Variants in SLIT2 observed in about 807,000 individuals in gnomAD.
SLIT2 encodes the protein slit homolog 2 protein.
A neutral mutation model predicts 185.7 loss-of-function variants in SLIT2; 41 were observed. That is an observed-to-expected ratio of 0.22 (90% confidence interval 0.17 to 0.29). SLIT2 has a LOEUF of 0.29. Among genes scored for constraint, SLIT2 ranks in the 10% least tolerant of loss-of-function variants. The probability of loss-of-function intolerance (pLI) is 1.00; values close to 1 mark genes in which losing one functional copy is unlikely to be tolerated. For synonymous variants in SLIT2, 693 were observed against 680.2 expected (o/e 1.02, Z -0.29); for missense variants, 1,571 against 1,909.0 (o/e 0.82, Z 3.30).
At chr4:20,326,368 T>A (rs1403044174) in intron 4 of SLIT2, among the ~76,000 whole-genome samples, 2 of 152,036 alleles carry the variant, frequency 1.3e-5, no homozygotes, top group Non-Finnish European at 2.9e-5. Context: ...CTGACTTAGT[T>A]TATTATTAAA....
intron 5 of SLIT2, among the ~76,000 whole-genome samples, chr4:20,477,916 C>T (rs1216902345): frequency 1.3e-5 from 2 of 152,162 alleles, no homozygotes; most frequent in African/African-American, 4.8e-5. Flanking sequence ...TGGCAGAGAA[C>T]AGATCCTTTC....
In SLIT2 at chr4:20,321,490, A is replaced by T. The variant is rs145919018; in HGVS notation, c.395+52609A>T. Reference sequence around the variant, plus strand: ...AATTCAAGCTGGTGTGTAGGACCCCAGTGACTAGCTTCTGACCCAGTGGCC... The same window carrying T: ...AATTCAAGCTGGTGTGTAGGACCCCTGTGACTAGCTTCTGACCCAGTGGCC... On this transcript the variant is annotated intron_variant, in intron 4 of 36. Transcript: ENST00000504154. Among the ~76,000 whole-genome samples, 1,399 of 152,290 alleles carry T rather than the reference A, an allele frequency of 9.2e-3. 13 individuals carry two copies. Among genetic ancestry groups the T allele is most frequent in the African/African-American group, 0.031 (1,301 of 41,564 alleles).
At chr4:20,584,259 C>T (rs1186115565) in intron 29 of SLIT2, among the ~76,000 whole-genome samples, 3 of 152,188 alleles carry the variant, frequency 2.0e-5, no homozygotes, top group Admixed American at 2.0e-4. Flanking sequence ...TTGCATACAA[C>T]CGTAGAAGGC....
chr4:20,298,296 T>C, intron 4 of SLIT2, among the ~76,000 whole-genome samples: 1 of 151,668 alleles, frequency 6.6e-6, no homozygotes, highest in Non-Finnish European at 1.5e-5. Context: ...TCCTTGTTGG[T>C]CAGGCTGGTC....
At chr4:20,259,671 G>C (rs188063143) in intron 3 of SLIT2, among the ~76,000 whole-genome samples, 85 of 151,890 alleles carry the variant, frequency 5.6e-4, no homozygotes, top group African/African-American at 1.9e-3. Flanking sequence ...TTTGATTAGA[G>C]TTGTAAGTAG....
intron 26 of SLIT2, chr4:20,554,207 C>CA (rs1306798508): frequency 1.7e-6 from 1 of 580,824 alleles, no homozygotes; most frequent in Admixed American, 2.6e-5. Flanking sequence ...GAAAGTGTAT[C>CA]AAAAAACGTA....
chr4:20,417,436 G>GTGTGTATATATATATATATATATA lies in SLIT2; in HGVS notation c.396-50315_396-50314insGTGTATATATATATATATATATAT, dbSNP rs1553898364. On this transcript the variant is annotated intron_variant, in intron 4 of 36. Transcript: ENST00000504154. ...CGCAATCATATATATATGTGTGTGTGTATATATATATATATATATATACGT... is the reference window on the plus strand; with the variant it reads ...CGCAATCATATATATATGTGTGTGTGTGTGTATATATATATATATATATATATATATATATATATATATATACGT... Among the ~76,000 whole-genome samples, 446 of 123,602 alleles carry GTGTGTATATATATATATATATATA rather than the reference G, an allele frequency of 3.6e-3. 2 individuals are homozygous for GTGTGTATATATATATATATATATA. Among genetic ancestry groups the GTGTGTATATATATATATATATATA allele is most frequent in the Middle Eastern group, 0.01 (2 of 196 alleles). 81.1% of individuals were successfully genotyped at this position (123,602 alleles called of 152,430 possible). A position where few individuals can be genotyped will look rare whatever the true frequency, so the allele number is the denominator to read the frequency against.
chr4:20,537,983 G>T (rs1335012499), intron 18 of SLIT2, among the ~76,000 whole-genome samples: 2 of 151,878 alleles, frequency 1.3e-5, no homozygotes, highest in South Asian at 4.2e-4. Context: ...TATTTGAGAC[G>T]GAGTCTCGCT....
At chr4:20,347,808 G>T (rs1330966730) in intron 4 of SLIT2, among the ~76,000 whole-genome samples, 1 of 152,198 alleles carries the variant, frequency 6.6e-6, no homozygotes, top group African/African-American at 2.4e-5. Flanking sequence ...AGCAAAGGGT[G>T]AAATGAAGAG....
At chr4:20,558,796 A>G (rs547846129) in intron 26 of SLIT2, among the ~76,000 whole-genome samples, 6 of 152,184 alleles carry the variant, frequency 3.9e-5, no homozygotes, top group South Asian at 4.1e-4. Flanking sequence ...ACAACTTTCT[A>G]TAGTAATAGA....
At chr4:20,443,411 A>G (rs1423239305) in intron 4 of SLIT2, among the ~76,000 whole-genome samples, 1 of 152,068 alleles carries the variant, frequency 6.6e-6, no homozygotes, top group Non-Finnish European at 1.5e-5. Flanking sequence ...GCTTTAGGGG[A>G]CAAGGCATGG....
At chr4:20,364,045 G>A (rs1374400402) in intron 4 of SLIT2, among the ~76,000 whole-genome samples, 2 of 152,072 alleles carry the variant, frequency 1.3e-5, no homozygotes, top group Non-Finnish European at 2.9e-5. Context: ...AATCAGAAAG[G>A]CCATCTACAA....
intron 4 of SLIT2, among the ~76,000 whole-genome samples, chr4:20,369,975 G>A (rs1723441666): frequency 6.6e-6 from 1 of 152,046 alleles, no homozygotes; most frequent in Admixed American, 6.6e-5. Flanking sequence ...AATGATTCTT[G>A]AAGTGTTTTC....
chr4:20,481,866 T>C (rs888518630), intron 6 of SLIT2, among the ~76,000 whole-genome samples: 1 of 152,012 alleles, frequency 6.6e-6, no homozygotes, highest in Non-Finnish European at 1.5e-5. Context: ...TTTTAAAAGA[T>C]TGTATGAATG....
chr4:20,502,504 CATGAG>C (rs1241968445), intron 9 of SLIT2, among the ~76,000 whole-genome samples: 2 of 152,106 alleles, frequency 1.3e-5, no homozygotes, highest in African/African-American at 4.8e-5. Flanking sequence ...GAATTTTAAA[CATGAG>C]ATAAATAGTA....
intron 4 of SLIT2, among the ~76,000 whole-genome samples, chr4:20,283,110 G>A (rs1714935907): frequency 8.3e-6 from 1 of 120,808 alleles, no homozygotes; most frequent in South Asian, 2.8e-4. Context: ...GTGTGCCTGT[G>A]TGCGCGCGCG....
At chr4:20,552,630 A>G (rs1011664183) in intron 25 of SLIT2, 7 of 152,168 alleles carry the variant, frequency 4.6e-5, no homozygotes, top group African/African-American at 1.7e-4. Flanking sequence ...TCTGACATAC[A>G]TATGCAGGTA....
chr4:20,518,732 G>A (rs1159856036), intron 11 of SLIT2, among the ~76,000 whole-genome samples: 2 of 136,936 alleles, frequency 1.5e-5, no homozygotes, highest in African/African-American at 5.4e-5. Context: ...AGCCTCCCGC[G>A]CAGCTGGGAC....
At chr4:20,348,615 C>T (rs1721631409) in intron 4 of SLIT2, among the ~76,000 whole-genome samples, 1 of 152,098 alleles carries the variant, frequency 6.6e-6, no homozygotes, top group African/African-American at 2.4e-5. Context: ...CTATGAGCTG[C>T]CAAGTTCTAA....
Sources: gnomAD v4.1 joint callset for allele counts (sites outside exome capture counted in the v4.1 genomes callset) on GRCh38, gnomAD v4.1.1 for gene constraint, MANE v1.5 for transcripts, NCBI Gene and HGNC (gene_info 2026-07-23, HGNC 2026-07-21) for gene names.